DYNC1I2: variants seen among roughly 807,000 people sequenced by gnomAD.
DYNC1I2 encodes cytoplasmic dynein 1 intermediate chain 2.
DYNC1I2 carries 53 observed loss-of-function variants against 88.6 expected under a neutral mutation model. The ratio of observed to expected loss-of-function variants is 0.60; its 90% CI spans 0.48 to 0.75. DYNC1I2 has a LOEUF of 0.75. Ranked by LOEUF, DYNC1I2 falls within the 30% of genes least tolerant of loss-of-function variation. DYNC1I2 has a pLI of 0.00. For synonymous variants in DYNC1I2, 198 were observed against 254.6 expected (o/e 0.78, Z 2.12); for missense variants, 458 against 766.6 (o/e 0.60, Z 4.75).
At position 171,747,207 on chromosome 2, in the gene DYNC1I2, T is replaced by TTATATATA. The variant is rs67834157; in HGVS notation, c.1804-551_1804-544dup. ...GGACTGTCTCAAAAAAAAAAAAAAA[T>TTATATATA]TATATATATATATATATATATATAT... is the stretch of plus-strand genomic sequence containing the variant. On this transcript the variant is annotated intron_variant, in intron 17 of 17. Coordinates refer to ENST00000397119, the MANE Select transcript of DYNC1I2 (RefSeq NM_001378.3). Among the ~76,000 whole-genome samples, 762 of 124,640 alleles carry TTATATATA rather than the reference T, an allele frequency of 6.1e-3. 11 individuals carry two copies. Among genetic ancestry groups the TTATATATA allele is most frequent in the East Asian group, 0.035 (151 of 4,366 alleles). 81.8% of individuals were successfully genotyped at this position (124,640 alleles called of 152,430 possible).
chr2:171,712,724 G>C (rs764384030), intron 5 of DYNC1I2, 43 bp from the exon 6 acceptor site: 1 of 1,459,742 alleles, frequency 6.9e-7, no homozygotes, highest in Admixed American at 1.8e-5. Context: ...CTAACTTATG[G>C]CCTTTTTTGC....
At chr2:171,706,669 C>A in intron 4 of DYNC1I2, 105 bp downstream of exon 4, 1 of 1,048,400 alleles carries the variant, frequency 9.5e-7, no homozygotes, top group Non-Finnish European at 1.4e-6. Flanking sequence ...TTGCATTTTT[C>A]ACCCAAATTG....
At chr2:171,713,105 T>C (rs1687242988) in intron 6 of DYNC1I2, among the ~76,000 whole-genome samples, 1 of 152,122 alleles carries the variant, frequency 6.6e-6, no homozygotes, top group Admixed American at 6.5e-5. Context: ...CTTCTCAGAC[T>C]TCTTCTAATA....
intron 17 of DYNC1I2, among the ~76,000 whole-genome samples, chr2:171,746,336 G>A (rs1049674069): frequency 2.6e-5 from 4 of 152,180 alleles, no homozygotes; most frequent in African/African-American, 9.6e-5. Flanking sequence ...AGAACCATCT[G>A]TGACTTTATG....
rs371417399 is a variant in DYNC1I2 at position 171,726,765 on chromosome 2, C to CT, written c.871-22dup. The CT allele has an allele frequency of 4.4e-6, 7 of 1,608,950 alleles. No individual in the cohort carries two copies. The African/African-American group carries it at 9.4e-5, about 22-fold the overall frequency. ...ACAGTTCTTATTATGCATAGCATTT[C>CT]TTTTCTTCTTGATTCTTCTGAGCAG... On this transcript the variant is annotated intron_variant, in intron 10 of 17. Coordinates refer to ENST00000397119, the MANE Select transcript of DYNC1I2 (RefSeq NM_001378.3).
intron 15 of DYNC1I2, among the ~76,000 whole-genome samples, chr2:171,741,416 C>A: frequency 6.6e-6 from 1 of 152,292 alleles, no homozygotes; most frequent in South Asian, 2.1e-4. Flanking sequence ...GTTCTGATTT[C>A]CTGTATCTTC....
In DYNC1I2 at chr2:171,748,174, C is replaced by T; in HGVS notation, c.*285C>T. On this transcript the variant is annotated 3_prime_UTR_variant, in exon 18 of 18. Coordinates refer to ENST00000397119, the MANE Select transcript of DYNC1I2 (RefSeq NM_001378.3). Reference sequence around the variant, plus strand: ...GGTATTAGTTATTTTGAGTTCTTTTCAACTTATAACACTGTATACAGTTAT... The same window carrying T: ...GGTATTAGTTATTTTGAGTTCTTTTTAACTTATAACACTGTATACAGTTAT... 3.3e-6 allele frequency: 1 copy of T among 298,590 alleles called. No homozygotes were observed. The highest frequency in any genetic ancestry group is 7.9e-5 in the South Asian group (1 of 12,644). 18.5% of individuals were successfully genotyped at this position (298,590 alleles called of 1,614,324 possible). A position where few individuals can be genotyped will look rare whatever the true frequency, so the allele number is the denominator to read the frequency against.
intron 2 of DYNC1I2, among the ~76,000 whole-genome samples, chr2:171,691,313 A>G (rs1685388909): frequency 6.6e-6 from 1 of 152,182 alleles, no homozygotes; most frequent in Non-Finnish European, 1.5e-5. Context: ...ATTGAAATAT[A>G]CTTTTATCCC....
At chr2:171,736,318 G>C (rs1431709160) in intron 15 of DYNC1I2, among the ~76,000 whole-genome samples, 2 of 152,174 alleles carry the variant, frequency 1.3e-5, no homozygotes, top group Non-Finnish European at 2.9e-5. Context: ...GAGTTGATTA[G>C]ACAGGGAGTG....
intron 7 of DYNC1I2, among the ~76,000 whole-genome samples, chr2:171,721,630 T>G (rs1687911905): frequency 6.6e-6 from 1 of 152,210 alleles, no homozygotes; most frequent in Non-Finnish European, 1.5e-5. Context: ...AAGTTGAATT[T>G]TTATAAGTCA....
chr2:171,705,115 A>T (rs1343688729), intron 3 of DYNC1I2, among the ~76,000 whole-genome samples: 1 of 140,594 alleles, frequency 7.1e-6, no homozygotes, highest in Admixed American at 7.0e-5. Flanking sequence ...GGCTTTGGCT[A>T]AGAAACTGTG....
intron 17 of DYNC1I2, among the ~76,000 whole-genome samples, chr2:171,746,341 T>G (rs1689777795): frequency 6.6e-6 from 1 of 152,198 alleles, no homozygotes; most frequent in Non-Finnish European, 1.5e-5. Context: ...CATCTGTGAC[T>G]TTATGCAATG....
At chr2:171,735,331 T>C (rs192840222) in intron 15 of DYNC1I2, among the ~76,000 whole-genome samples, 2 of 152,316 alleles carry the variant, frequency 1.3e-5, no homozygotes, top group East Asian at 3.9e-4. Flanking sequence ...ACTCAACTAT[T>C]TTTAAGACAG....
At chr2:171,706,398 C>G (rs554690924) in intron 3 of DYNC1I2, 149 bp from the exon 4 acceptor site, 9 of 677,042 alleles carry the variant, frequency 1.3e-5, no homozygotes, top group Non-Finnish European at 2.3e-5. Context: ...GAAATGTGCA[C>G]GTTCAGCTGT....
In DYNC1I2 at chr2:171,726,800, T is replaced by C. The variant is rs755869044; in HGVS notation, c.880T>C (p.Leu294=). The stretch of plus-strand genomic sequence containing the variant: ...TGATTCTTCTGAGCAGTATCCGGAG[T>C]TACTCGTGGCTTCCTATAACAACAA... The part of the protein sequence containing the change: ...CLDWSSQYPE[L]LVASYNNNED... Residue 294 remains leucine, a synonymous_variant, in exon 11 of 18, where the codon TTA becomes CTA. Coordinates refer to ENST00000397119, the MANE Select transcript of DYNC1I2 (RefSeq NM_001378.3). The C allele has an allele frequency of 1.4e-5, 23 of 1,612,892 alleles. No individual in the cohort carries two copies. Among genetic ancestry groups the C allele is most frequent in the Non-Finnish European group, 1.9e-5 (22 of 1,179,284 alleles).
intron 15 of DYNC1I2, among the ~76,000 whole-genome samples, chr2:171,737,973 G>A (rs956101018): frequency 4.0e-5 from 6 of 151,856 alleles, no homozygotes; most frequent in African/African-American, 1.5e-4. Flanking sequence ...ATACAAGTAA[G>A]TTTTAATCTA....
chr2:171,732,886 G>A (rs1441797011), intron 15 of DYNC1I2, among the ~76,000 whole-genome samples: 2 of 151,962 alleles, frequency 1.3e-5, no homozygotes, highest in South Asian at 2.1e-4. Context: ...TTTTACATTC[G>A]AAGGTACAGG....
chr2:171,698,741 C>T (rs542509838), intron 3 of DYNC1I2, among the ~76,000 whole-genome samples: 135 of 151,996 alleles, frequency 8.9e-4, no homozygotes, highest in Middle Eastern at 3.4e-3. Flanking sequence ...TGGTGGTGGG[C>T]GCCTGTGGTC....
chr2:171,691,999 A>C (rs932452465), intron 2 of DYNC1I2, among the ~76,000 whole-genome samples: 3 of 152,190 alleles, frequency 2.0e-5, no homozygotes, highest in African/African-American at 7.2e-5. Context: ...TTTTAAGTCA[A>C]AATGGCATAG....
Sources: allele counts gnomAD v4.1 joint callset (sites outside exome capture counted in the v4.1 genomes callset), GRCh38; gene constraint gnomAD v4.1.1; transcripts MANE v1.5; gene names NCBI Gene and HGNC (gene_info 2026-07-23, HGNC 2026-07-21).